LCT: variants seen among roughly 807,000 people sequenced by gnomAD.
The protein encoded by LCT is lactase, also known as lactase/phlorizin hydrolase.
A neutral mutation model predicts 173.0 loss-of-function variants in LCT; 90 were observed. The ratio of observed to expected loss-of-function variants is 0.52; its 90% CI spans 0.44 to 0.62. The LOEUF (loss-of-function observed/expected upper bound fraction) is 0.62, where lower values mean the gene tolerates loss of function less well. LCT is among the 20% of genes least tolerant of loss of function. LCT has a pLI of 0.00. For synonymous variants in LCT, 853 were observed against 957.6 expected (o/e 0.89, Z 2.02); for missense variants, 1,864 against 2,431.4 (o/e 0.77, Z 4.91).
In LCT at chr2:135,812,595, A is replaced by G; in HGVS notation, c.2069T>C (p.Leu690Pro). 1 of 1,611,762 alleles carries G rather than the reference A, an allele frequency of 6.2e-7. No individual in the cohort carries two copies. Residue 690 changes from leucine to proline, a missense_variant, in exon 7 of 17, where the codon CTC becomes CCC. Leu to Pro is a moderately conservative substitution (Grantham distance 98). Coordinates refer to ENST00000264162, the MANE Select transcript of LCT (RefSeq NM_002299.4). The part of the protein sequence containing the change: ...FLGLSHYTSR[L>P]ISNAPQNTCI... ...GGTGTTTTGTGGGGCGTTGCTGATG[A>G]GGCGGGAGGTGTAATGCGACAGACC...
At chr2:135,811,022 G>A (rs569937438) in intron 7 of LCT, among the ~76,000 whole-genome samples, 10 of 149,592 alleles carry the variant, frequency 6.7e-5, no homozygotes, top group African/African-American at 2.2e-4. Context: ...GCCAGACTCC[G>A]TCTCAAAAAA....
In LCT at chr2:135,808,945, T is replaced by C. The variant is rs779040402; in HGVS notation, c.3402A>G (p.Pro1134=). 5 of 1,614,098 alleles carry C rather than the reference T, an allele frequency of 3.1e-6. No homozygotes were observed. The change falls in exon 8 of 17, where the codon CCA becomes CCG. Residue 1134 remains proline (P), a synonymous_variant. Coordinates refer to ENST00000264162, the MANE Select transcript of LCT (RefSeq NM_002299.4). ...LSTHWAEPKS[P]GVPRDVEAAD... Reference sequence around the variant, plus strand: ...CGGCTTCCACATCTCTGGGGACCCCTGGTGACTTGGGCTCTGCCCAGTGTG... The same window carrying C: ...CGGCTTCCACATCTCTGGGGACCCCCGGTGACTTGGGCTCTGCCCAGTGTG...
chr2:135,812,129 G>A (rs1054664584), intron 7 of LCT, among the ~76,000 whole-genome samples, 182 bp downstream of exon 7: 1 of 152,168 alleles, frequency 6.6e-6, no homozygotes, highest in Non-Finnish European at 1.5e-5. Flanking sequence ...GAGCAAAGAC[G>A]TGAATGACAT....
chr2:135,837,084 A>G lies in LCT; in HGVS notation c.86T>C (p.Ile29Thr). The change falls in exon 1 of 17, where the codon ATT becomes ACT. Residue 29 changes from isoleucine to threonine, a missense_variant. Physicochemically the swap from Ile to Thr is moderately conservative, Grantham distance 89. Transcript: ENST00000264162. The part of the protein sequence containing the change: ...GSDWESDRNF[I>T]STAGPLTNDL... ...ATTGGTTAGAGGACCAGCGGTGGAA[A>G]TGAAATTTCTATCAGACTCCCAGTC... 4 of 1,614,044 alleles carry G rather than the reference A, an allele frequency of 2.5e-6. No individual in the cohort carries two copies.
chr2:135,790,960 T>A lies in LCT; in HGVS notation c.5112-79A>T. 9.5e-7 allele frequency: 1 copy of A among 1,054,454 alleles called. No individual in the cohort carries two copies. Among genetic ancestry groups the A allele is most frequent in the Non-Finnish European group, 1.5e-6 (1 of 679,058 alleles). The allele number at this position is 1,054,454 out of a possible 1,614,324, so 65.3% of individuals were successfully genotyped here. On this transcript the variant is annotated intron_variant, in intron 14 of 16. Coordinates refer to ENST00000264162, the MANE Select transcript of LCT (RefSeq NM_002299.4). The surrounding 1 kb of genome is among the most constrained non-coding windows in gnomAD (Gnocchi z 4.1). ...CTTTACACGAAACACAAAACAGGAC[T>A]TAGACCAGGAAAAGCCTTAGGTTTT... is the stretch of plus-strand genomic sequence containing the variant.
intron 12 of LCT, among the ~76,000 whole-genome samples, chr2:135,799,678 G>A (rs979407669): frequency 2.0e-5 from 3 of 152,152 alleles, no homozygotes; most frequent in African/African-American, 7.2e-5. Context: ...TAGAACTCCT[G>A]ACCTCAGGTT....
At position 135,790,006 on chromosome 2, in the gene LCT, C is replaced by A. The variant is rs1249067503; in HGVS notation, c.5336-208G>T. On this transcript the variant is annotated intron_variant, in intron 15 of 16. Transcript: ENST00000264162. This position sits in a 1 kb window ranked among gnomAD's most constrained non-coding sequence, Gnocchi z 4.1. ...CTCTGTGGATGGAGATGTAGAGCCA[C>A]CAGCATCTTTAGAAAGGCTCAGCCC... 6.6e-6 allele frequency among the ~76,000 whole-genome samples: 1 copy of A among 152,152 alleles called. No homozygotes were observed. Among genetic ancestry groups the A allele is most frequent in the Non-Finnish European group, 1.5e-5 (1 of 68,032 alleles).
rs542156429 is a variant in LCT, at chr2:135,818,810, C to A, written c.987-749G>T. Among the ~76,000 whole-genome samples, 34 of 152,310 alleles carry A rather than the reference C, an allele frequency of 2.2e-4. No individual in the cohort carries two copies. The South Asian group carries it at 6.8e-3, about 31-fold the overall frequency. Reference sequence around the variant, plus strand: ...TGAGATCACGCCATTGCACTCCAGCCTGGGCAACAAGAGTGAAACTCCGTC... The same window carrying A: ...TGAGATCACGCCATTGCACTCCAGCATGGGCAACAAGAGTGAAACTCCGTC... On this transcript the variant is annotated intron_variant, in intron 5 of 16. Coordinates refer to ENST00000264162, the MANE Select transcript of LCT (RefSeq NM_002299.4).
chr2:135,813,879 C>T (rs2077756254), intron 6 of LCT, among the ~76,000 whole-genome samples: 1 of 152,166 alleles, frequency 6.6e-6, no homozygotes, highest in Non-Finnish European at 1.5e-5. Context: ...TTAACTCATG[C>T]TCTTACAAAC....
Position 135,788,396 on chromosome 2 carries a change from C to G in LCT, c.5712G>C (p.Lys1904Asn), listed in dbSNP as rs2105515408. Reference protein sequence around the residue: ...GVCGLAFLSYKYCKRSKQGKT... With the variant: ...GVCGLAFLSYNYCKRSKQGKT... ...TCCCTTGCTTAGAGCGCTTGCAGTA[C>G]TTGTATGACAGAAATGCCAAGCCAC... Residue 1904 changes from lysine to asparagine, a missense_variant, in exon 17 of 17, where the codon AAG becomes AAC. By Grantham distance (94) the Lys-to-Asn change is moderately conservative (BLOSUM62 0). Coordinates refer to ENST00000264162, the MANE Select transcript of LCT (RefSeq NM_002299.4). 6.2e-7 allele frequency: 1 copy of G among 1,614,180 alleles called. No homozygotes were observed. The highest frequency in any genetic ancestry group is 8.5e-7 in the Non-Finnish European group (1 of 1,180,026).
rs1274873963 is a variant in LCT at position 135,804,803 on chromosome 2, G to A, written c.4428C>T (p.Leu1476=). 4 of 1,613,380 alleles carry A rather than the reference G, an allele frequency of 2.5e-6. No individual in the cohort carries two copies. The highest frequency in any genetic ancestry group is 2.2e-5 in the East Asian group (1 of 44,888). ...TGCTGGCGGCCAGCAGTGTATCGATGAGCCTCACGTAGTAGTTCAGGCCCG... is the reference window on the plus strand; with the variant it reads ...TGCTGGCGGCCAGCAGTGTATCGATAAGCCTCACGTAGTAGTTCAGGCCCG... ...NEAGLNYYVR[L]IDTLLAASIQ... is the part of the protein sequence containing the mutation. The change falls in exon 10 of 17, where the codon CTC becomes CTT. Residue 1476 remains leucine (L), a synonymous_variant. Transcript: ENST00000264162.
intron 6 of LCT, among the ~76,000 whole-genome samples, chr2:135,816,260 C>T (rs772800131): frequency 5.6e-4 from 85 of 152,226 alleles, no homozygotes; most frequent in Non-Finnish European, 1.1e-3. Context: ...GCCTCCTCAG[C>T]TCTCAGTGAG....
intron 10 of LCT, 22 bp downstream of exon 10, chr2:135,804,745 G>T (rs1441671248): frequency 1.1e-5 from 18 of 1,610,730 alleles, no homozygotes; most frequent in Non-Finnish European, 1.4e-5. Flanking sequence ...CTTTCCCAAG[G>T]CCTTGCCAGG....
intron 7 of LCT, among the ~76,000 whole-genome samples, chr2:135,811,701 TAA>T (rs59187404): frequency 1.8e-3 from 192 of 109,200 alleles, no homozygotes; most frequent in Admixed American, 2.1e-3. Flanking sequence ...ACCCTGATTC[TAA>T]AAAAAAAAAA....
In LCT at chr2:135,837,160, A is replaced by G; in HGVS notation, c.10T>C (p.Ser4Pro). The G allele has an allele frequency of 1.2e-6, 2 of 1,613,064 alleles. No homozygotes were observed. Among genetic ancestry groups the G allele is most frequent in the East Asian group, 4.5e-5 (2 of 44,868 alleles). Reference sequence around the variant, plus strand: ...AGGGCAATAAAGACTACATGCCAAGACAGCTCCATTTTCTAGGAACTGTTA... The same window carrying G: ...AGGGCAATAAAGACTACATGCCAAGGCAGCTCCATTTTCTAGGAACTGTTA... The part of the protein sequence containing the change: MEL[S>P]WHVVFIALLS... The change falls in exon 1 of 17, where the codon TCT becomes CCT. Residue 4 changes from serine to proline, a missense_variant. Physicochemically the swap from Ser to Pro is moderately conservative, Grantham distance 74. Transcript: ENST00000264162.
In LCT at chr2:135,809,378, C is replaced by A. The variant is rs201881537; in HGVS notation, c.2969G>T (p.Ser990Ile). 1.2e-5 allele frequency: 20 copies of A among 1,614,210 alleles called. No homozygotes were observed. The highest frequency in any genetic ancestry group is 1.6e-5 in the Non-Finnish European group (19 of 1,180,030). The change falls in exon 8 of 17, where the codon AGC (serine) becomes ATC (isoleucine). Residue 990 changes from serine (S) to isoleucine (I), a missense_variant. Coordinates refer to ENST00000264162, the MANE Select transcript of LCT (RefSeq NM_002299.4). The surrounding 1 kb of genome is among the most constrained non-coding windows in gnomAD (Gnocchi z 5.5). ...WSRIFPTGRN[S>I]SINSHGVDYY... is the part of the protein sequence containing the mutation. ...ATCAACCCCATGACTGTTGATAGAG[C>A]TGTTTCTCCCAGTTGGGAAAATCCG... is the stretch of plus-strand genomic sequence containing the variant.
intron 11 of LCT, among the ~76,000 whole-genome samples, chr2:135,801,540 C>T (rs2077628356): frequency 1.3e-5 from 2 of 151,476 alleles, no homozygotes; most frequent in African/African-American, 4.8e-5. Flanking sequence ...TATGGTGAAA[C>T]CTGTCTCTAC....
intron 16 of LCT, among the ~76,000 whole-genome samples, chr2:135,789,232 T>C (rs903440301): frequency 6.6e-5 from 10 of 152,260 alleles, no homozygotes; most frequent in African/African-American, 1.7e-4. Flanking sequence ...TGTACTTTCA[T>C]GGTCCCTTTA....
At position 135,812,689 on chromosome 2, in the gene LCT, G is replaced by A. The variant is rs772891691; in HGVS notation, c.1975C>T (p.Pro659Ser). 6.2e-7 allele frequency: 1 copy of A among 1,614,136 alleles called. No individual in the cohort carries two copies. Among genetic ancestry groups the A allele is most frequent in the East Asian group, 2.2e-5 (1 of 44,882 alleles). ...IQQMNRQCSH[P>S]VAQLPEFTEA... The stretch of plus-strand genomic sequence containing the variant: ...GTGAACTCGGGGAGTTGAGCCACAG[G>A]ATGGGAGCACTGTCTGTTCATCTGT... The change falls in exon 7 of 17, where the codon CCT (proline) becomes TCT (serine). Residue 659 changes from proline (P) to serine (S), a missense_variant. Physicochemically the swap from Pro to Ser is moderately conservative, Grantham distance 74. Transcript: ENST00000264162.
Sources: allele counts gnomAD v4.1 joint callset (sites outside exome capture counted in the v4.1 genomes callset), GRCh38; gene constraint gnomAD v4.1.1; non-coding constraint Gnocchi (gnomAD v3.1); transcripts MANE v1.5; gene names NCBI Gene and HGNC (gene_info 2026-07-23, HGNC 2026-07-21).